MROH2A: variants seen among roughly 807,000 people sequenced by gnomAD.
The protein encoded by MROH2A is maestro heat-like repeat-containing protein family member 2A.
MROH2A carries 174 observed loss-of-function variants against 200.4 expected under a neutral mutation model. The ratio of observed to expected loss-of-function variants is 0.87; its 90% CI spans 0.77 to 0.98. The LOEUF is 0.98. MROH2A is among the 50% of genes least tolerant of loss of function. The pLI is 0.00. For synonymous variants in MROH2A, 829 were observed against 840.4 expected (o/e 0.99, Z 0.23); for missense variants, 2,045 against 2,139.6 (o/e 0.96, Z 0.87).
chr2:233,793,662 G>A lies in MROH2A; in HGVS notation c.671-11G>A, dbSNP rs1701928647. ...CTGGCGCCAAGTGCATTCCCCTGTT[G>A]CTGTTGGTAGCCATGGAGACCTTCT... On this transcript the variant is annotated splice_polypyrimidine_tract_variant and intron_variant, in intron 6 of 41. Coordinates refer to ENST00000389758, the MANE Select transcript of MROH2A (RefSeq NM_001394639.1). The A allele has an allele frequency of 7.3e-7, 1 of 1,375,584 alleles. No homozygotes were observed. Among genetic ancestry groups the A allele is most frequent in the South Asian group, 1.9e-5 (1 of 53,450 alleles). 85.2% of individuals were successfully genotyped at this position (1,375,584 alleles called of 1,614,324 possible).
At chr2:233,790,255 C>T (rs111244325) in intron 5 of MROH2A, among the ~76,000 whole-genome samples, 75 of 123,666 alleles carry the variant, frequency 6.1e-4, no homozygotes, top group Middle Eastern at 3.8e-3. Flanking sequence ...CTGCATTGTT[C>T]TGTCTTTCCA....
intron 19 of MROH2A, 96 bp downstream of exon 19, chr2:233,805,207 A>C: frequency 1.2e-6 from 1 of 806,486 alleles, no homozygotes; most frequent in Non-Finnish European, 2.0e-6. Context: ...GATCAGCTGG[A>C]CCTGTGGCTG....
chr2:233,831,247 G>A (rs1704726730), intron 38 of MROH2A, among the ~76,000 whole-genome samples, 162 bp from the exon 39 acceptor site: 1 of 152,230 alleles, frequency 6.6e-6, no homozygotes, highest in African/African-American at 2.4e-5. Context: ...CAAGCTGGCA[G>A]GGGCCCAGGT....
intron 19 of MROH2A, among the ~76,000 whole-genome samples, chr2:233,806,993 C>T (rs1430097893): frequency 2.0e-5 from 3 of 152,002 alleles, no homozygotes; most frequent in African/African-American, 7.3e-5. Flanking sequence ...ATTCTTATGC[C>T]TTAGCATCCT....
At chr2:233,803,979 G>A (rs993813973) in intron 16 of MROH2A, 72 bp from the exon 17 acceptor site, 2 of 1,510,714 alleles carry the variant, frequency 1.3e-6, no homozygotes, top group Non-Finnish European at 8.9e-7. Context: ...CTTTAAAAAT[G>A]AGGACAAAGA....
At chr2:233,786,557 A>G (rs1391158851) in intron 3 of MROH2A, among the ~76,000 whole-genome samples, 2 of 152,304 alleles carry the variant, frequency 1.3e-5, no homozygotes, top group East Asian at 1.9e-4. Context: ...GGGCTTCAAC[A>G]TAGGAATTTT....
intron 14 of MROH2A, among the ~76,000 whole-genome samples, chr2:233,801,093 C>T (rs1296022494): frequency 6.6e-6 from 1 of 152,160 alleles, no homozygotes; most frequent in African/African-American, 2.4e-5. Context: ...AGTTATTATC[C>T]TGATTTTGTA....
At position 233,779,388 on chromosome 2, in the gene MROH2A, A is replaced by G. The variant is rs1322628079; in HGVS notation, c.30A>G (p.Val10=). The change falls in exon 2 of 42, where the codon GTA becomes GTG. Residue 10 remains valine, a synonymous_variant. Coordinates refer to ENST00000389758, the MANE Select transcript of MROH2A (RefSeq NM_001394639.1). MTEAITEAA[V]ASSEEVSEER... ...CTGAAGCCATTACAGAAGCAGCAGT[A>G]GCCTCAAGTGAGGAGGTGTCAGAGG... is the stretch of plus-strand genomic sequence containing the variant. 1.3e-6 allele frequency: 2 copies of G among 1,549,938 alleles called. No individual in the cohort carries two copies. Among genetic ancestry groups the G allele is most frequent in the South Asian group, 2.4e-5 (2 of 84,050 alleles).
chr2:233,795,565 G>T, intron 8 of MROH2A, 88 bp from the exon 9 acceptor site: 2 of 1,542,776 alleles, frequency 1.3e-6, no homozygotes, highest in South Asian at 2.4e-5. Context: ...GTGCTCAGTG[G>T]GTCAGTGGGC....
intron 29 of MROH2A, 64 bp from the exon 30 acceptor site, chr2:233,819,253 G>A: frequency 4.1e-6 from 6 of 1,478,532 alleles, no homozygotes; most frequent in Non-Finnish European, 5.5e-6. Context: ...GACAGGGGAG[G>A]AGAGAGTGTC....
intron 41 of MROH2A, 53 bp downstream of exon 41, chr2:233,832,697 G>C (rs1288775588): frequency 2.3e-6 from 3 of 1,331,698 alleles, no homozygotes; most frequent in Non-Finnish European, 3.2e-6. Flanking sequence ...AACTCACTAG[G>C]GGAGCTTAGA....
At chr2:233,810,268 G>T (rs1489458354) in intron 22 of MROH2A, among the ~76,000 whole-genome samples, 1 of 152,184 alleles carries the variant, frequency 6.6e-6, no homozygotes, top group East Asian at 1.9e-4. Flanking sequence ...GGTTTACTTG[G>T]ACTTAGAGTT....
intron 13 of MROH2A, 99 bp downstream of exon 13, chr2:233,799,998 C>A: frequency 6.9e-7 from 1 of 1,447,842 alleles, no homozygotes. Flanking sequence ...TGTGTTCAAA[C>A]CTGCGTATCC....
Position 233,807,539 on chromosome 2 carries a change from C to A in MROH2A, c.2169C>A (p.Ser723Arg). 2 of 1,550,390 alleles carry A rather than the reference C, an allele frequency of 1.3e-6. No homozygotes were observed. The highest frequency in any genetic ancestry group is 1.2e-5 in the South Asian group (1 of 84,034). ...YKTDYSNDFDSEGVIMCFGLC... is the reference protein window; with the variant it reads ...YKTDYSNDFDREGVIMCFGLC... ...CGGACTACAGCAATGACTTTGACAG[C>A]GAGGTGAGGGTGCCTGCAGCCTCCT... The change falls in exon 20 of 42, where the codon AGC (serine) becomes AGA (arginine). Residue 723 changes from serine to arginine, a missense_variant. Physicochemically the swap from Ser to Arg is moderately radical, Grantham distance 110. Transcript: ENST00000389758. The surrounding 1 kb of genome is among the most constrained non-coding windows in gnomAD (Gnocchi z 4.3).
In MROH2A at chr2:233,788,171, ATATAT is replaced by A. The variant is rs543732254; in HGVS notation, c.277-1320_277-1316del. 7.5e-3 allele frequency among the ~76,000 whole-genome samples: 906 copies of A among 120,472 alleles called. 29 individuals carry two copies. Among genetic ancestry groups the A allele is most frequent in the African/African-American group, 0.026 (815 of 31,320 alleles). The allele number at this position is 120,472 out of a possible 152,430, so 79.0% of individuals were successfully genotyped here. On this transcript the variant is annotated intron_variant, in intron 3 of 41. Transcript: ENST00000389758. ...ATATATATTTTATATATACATATAC[ATATAT>A]TATATATATACACACACATATACAT...
At position 233,789,761 on chromosome 2, in the gene MROH2A, C is replaced by G. The variant is rs2126099845; in HGVS notation, c.409-91C>G. 16 of 1,482,688 alleles carry G rather than the reference C, an allele frequency of 1.1e-5. No homozygotes were observed. In the South Asian group the frequency reaches 2.2e-4, roughly 20 times the overall value. 91.8% of individuals were successfully genotyped at this position (1,482,688 alleles called of 1,614,324 possible). On this transcript the variant is annotated intron_variant, in intron 4 of 41. Transcript: ENST00000389758. Reference sequence around the variant, plus strand: ...AGGGGTAAGGCTGAGCCCAAGGGAACCAGGAGGGGTGGAGAGAGCCTGGGG... The same window carrying G: ...AGGGGTAAGGCTGAGCCCAAGGGAAGCAGGAGGGGTGGAGAGAGCCTGGGG...
chr2:233,803,482 T>A lies in MROH2A; in HGVS notation c.1743T>A (p.Arg581=), dbSNP rs1296910406. 6 of 1,550,340 alleles carry A rather than the reference T, an allele frequency of 3.9e-6. No homozygotes were observed. The highest frequency in any genetic ancestry group is 2.4e-5 in the East Asian group (1 of 40,932). Residue 581 remains arginine (R), a synonymous_variant, in exon 16 of 42, where the codon CGT becomes CGA. Coordinates refer to ENST00000389758, the MANE Select transcript of MROH2A (RefSeq NM_001394639.1). ...DLPAPQKLLA[R]LLVLMSSPYK... is the part of the protein sequence containing the mutation. ...CTGCACCTCAGAAGCTGCTGGCCCG[T>A]CTCCTGGTGAGTGGCTGACCTGCAC... is the stretch of plus-strand genomic sequence containing the variant.
At chr2:233,776,982 AC>A (rs1445120730), upstream of MROH2A, among the ~76,000 whole-genome samples, 1 of 151,872 alleles carries the variant, frequency 6.6e-6, no homozygotes, top group African/African-American at 2.4e-5. Flanking sequence ...TGTCCCCATC[AC>A]CCTAGTCATT....
chr2:233,803,549 C>A, intron 16 of MROH2A, 61 bp downstream of exon 16: 2 of 1,522,130 alleles, frequency 1.3e-6, no homozygotes, highest in Non-Finnish European at 1.8e-6. Context: ...GGCACCTCTT[C>A]TTTAAACTCC....
Sources: gnomAD v4.1 joint callset for allele counts (sites outside exome capture counted in the v4.1 genomes callset) on GRCh38, gnomAD v4.1.1 for gene constraint, Gnocchi (gnomAD v3.1) non-coding constraint, MANE v1.5 for transcripts, NCBI Gene and HGNC (gene_info 2026-07-23, HGNC 2026-07-21) for gene names.